STK26: variants seen among roughly 807,000 people sequenced by gnomAD.
STK26 encodes the protein serine/threonine-protein kinase 26.
Under a neutral mutation model 34.7 loss-of-function variants are expected in STK26, and 14 were observed. The observed-to-expected ratio is 0.40, with a 90% CI of 0.27 to 0.63. STK26 has a LOEUF of 0.63. Ranked by LOEUF, STK26 falls within the 30% of genes least tolerant of loss-of-function variation. STK26 has a pLI of 0.38. For synonymous variants in STK26, 100 were observed against 109.8 expected, an observed-to-expected ratio of 0.91 and a Z score of 0.56; for missense variants, 226 against 309.1, an observed-to-expected ratio of 0.73 and a Z score of 2.02.
intron 3 of STK26, chrX:132,055,328 G>A (rs1926819100): frequency 8.1e-6 from 5 of 614,117 alleles, no homozygotes; most frequent in Non-Finnish European, 1.2e-5. Flanking sequence ...ACCAGTCCTG[G>A]TACTTACATT....
At chrX:132,028,069 T>TGA (rs1180483137) in intron 2 of STK26, among the ~76,000 whole-genome samples, 4 of 98,188 alleles carry the variant, frequency 4.1e-5, no homozygotes, top group South Asian at 1.1e-3. Flanking sequence ...GTTTAGTGGT[T>TGA]GTCCAGGCTG....
intron 2 of STK26, among the ~76,000 whole-genome samples, chrX:132,034,216 TG>T (rs1336790762): frequency 9.8e-6 from 1 of 101,889 alleles, no homozygotes; most frequent in Non-Finnish European, 2.0e-5. Flanking sequence ...AGAGATTTGG[TG>T]TAGGTACCTA....
At chrX:132,041,655 TA>T (rs1172850896) in intron 2 of STK26, among the ~76,000 whole-genome samples, 1 of 109,491 alleles carries the variant, frequency 9.1e-6, no homozygotes, top group Non-Finnish European at 1.9e-5. Flanking sequence ...GTATAAAATT[TA>T]AAAAAAAAGC....
At chrX:132,041,359 C>T (rs1261964613) in intron 2 of STK26, among the ~76,000 whole-genome samples, 4 of 111,391 alleles carry the variant, frequency 3.6e-5, no homozygotes, top group South Asian at 3.7e-4. Context: ...TCTAAGGTTG[C>T]GTTTTCCAAA....
intron 2 of STK26, among the ~76,000 whole-genome samples, chrX:132,032,700 A>T (rs1925887653): frequency 8.9e-6 from 1 of 111,804 alleles, no homozygotes; most frequent in African/African-American, 3.3e-5. Context: ...ATTATGGAAC[A>T]ATAGGGTGTC....
intron 3 of STK26, among the ~76,000 whole-genome samples, chrX:132,059,194 T>TA (rs1281908388): frequency 3.3e-4 from 37 of 111,769 alleles, no homozygotes; most frequent in Non-Finnish European, 6.2e-4. Context: ...TCAACTTACA[T>TA]ACTTATTGTG....
intron 2 of STK26, among the ~76,000 whole-genome samples, chrX:132,051,668 T>C (rs1221291238): frequency 9.0e-6 from 1 of 111,381 alleles, no homozygotes; most frequent in Non-Finnish European, 1.9e-5. Context: ...TACATAGGTA[T>C]ACATGTGCCA....
chrX:132,038,576 T>A (rs887032612), intron 2 of STK26, among the ~76,000 whole-genome samples: 1 of 111,276 alleles, frequency 9.0e-6, no homozygotes, highest in Admixed American at 9.6e-5. Flanking sequence ...CCTTTTTTTT[T>A]CCTTTGGTAG....
At chrX:132,053,200 G>A (rs1926746197) in intron 2 of STK26, among the ~76,000 whole-genome samples, 1 of 112,079 alleles carries the variant, frequency 8.9e-6, no homozygotes, top group Non-Finnish European at 1.9e-5. Flanking sequence ...TGTGGGTACT[G>A]GAGGTGGGTG....
In STK26 at chrX:132,068,201, T is replaced by TG. The variant is rs752443736; in HGVS notation, c.331-14_331-13insG. On this transcript the variant is annotated splice_polypyrimidine_tract_variant and intron_variant, in intron 4 of 11. Transcript: ENST00000394334. ...ACACATATGTGTATGTGTGTGTGTGTTTTTCCCCTTAAGCTTCGAGCTGGT... is the reference window on the plus strand; with the variant it reads ...ACACATATGTGTATGTGTGTGTGTGTGTTTTCCCCTTAAGCTTCGAGCTGGT... 6.0e-6 allele frequency: 7 copies of TG among 1,165,805 alleles called. No homozygotes were observed. Among genetic ancestry groups the TG allele is most frequent in the Non-Finnish European group, 8.1e-6 (7 of 868,675 alleles).
chrX:132,031,076 A>C (rs1284934596), intron 2 of STK26, among the ~76,000 whole-genome samples: 4 of 110,426 alleles, frequency 3.6e-5, no homozygotes, highest in Admixed American at 9.6e-5. Flanking sequence ...AGCTGGGATT[A>C]CAGGTTGTCG....
At chrX:132,062,226 G>A (rs1451247636) in intron 3 of STK26, among the ~76,000 whole-genome samples, 1 of 112,081 alleles carries the variant, frequency 8.9e-6, no homozygotes, top group African/African-American at 3.2e-5. Flanking sequence ...TCTACTTCCA[G>A]TCAGCTCTTT....
chrX:132,033,966 G>C (rs1211633450), intron 2 of STK26, among the ~76,000 whole-genome samples: 2 of 109,583 alleles, frequency 1.8e-5, no homozygotes, highest in Admixed American at 2.0e-4. Flanking sequence ...ATACCTTTCT[G>C]CTAGGCATTC....
intron 3 of STK26, among the ~76,000 whole-genome samples, chrX:132,056,929 C>T (rs1268139640): frequency 8.9e-6 from 1 of 111,911 alleles, no homozygotes; most frequent in Non-Finnish European, 1.9e-5. Flanking sequence ...TCCAGTGCAA[C>T]CACTCAGCTG....
At chrX:132,033,607 G>A (rs1328528046) in intron 2 of STK26, among the ~76,000 whole-genome samples, 1 of 111,736 alleles carries the variant, frequency 8.9e-6, no homozygotes, top group Non-Finnish European at 1.9e-5. Flanking sequence ...GTCAGTAAAT[G>A]GTAATACATT....
intron 3 of STK26, among the ~76,000 whole-genome samples, 175 bp downstream of exon 3, chrX:132,055,036 T>G (rs761118100): frequency 4.4e-5 from 5 of 112,372 alleles, no homozygotes; most frequent in Admixed American, 1.9e-4. Context: ...GCAGCTGTAT[T>G]CTGAATGCAT....
At chrX:132,044,148 C>T (rs574894502) in intron 2 of STK26, among the ~76,000 whole-genome samples, 2 of 111,615 alleles carry the variant, frequency 1.8e-5, no homozygotes, top group East Asian at 2.8e-4. Flanking sequence ...AAACATCCAA[C>T]GGCCATGGTG....
At chrX:132,062,640 A>G (rs1183647816) in intron 3 of STK26, among the ~76,000 whole-genome samples, 2 of 112,498 alleles carry the variant, frequency 1.8e-5, no homozygotes, top group East Asian at 2.8e-4. Context: ...CAACTGAAAT[A>G]AGGCAAAATA....
At chrX:132,070,549 G>T (rs1259655427) in intron 7 of STK26, among the ~76,000 whole-genome samples, 1 of 112,130 alleles carries the variant, frequency 8.9e-6, no homozygotes, top group African/African-American at 3.2e-5. Flanking sequence ...ACATTCTCAT[G>T]TTAATAAAAT....
Sources: gnomAD v4.1 joint callset for allele counts (sites outside exome capture counted in the v4.1 genomes callset) on GRCh38, gnomAD v4.1.1 for gene constraint, MANE v1.5 for transcripts, NCBI Gene and HGNC (gene_info 2026-07-23, HGNC 2026-07-21) for gene names.